REPS2: variants seen among roughly 807,000 people sequenced by gnomAD.
REPS2 encodes ralBP1-associated Eps domain-containing protein 2.
Under a neutral mutation model 53.6 loss-of-function variants are expected in REPS2, and 23 were observed. The ratio of observed to expected loss-of-function variants is 0.43; its 90% CI spans 0.31 to 0.61. The LOEUF (loss-of-function observed/expected upper bound fraction) is 0.61. Ranked by LOEUF, REPS2 falls within the 20% of genes least tolerant of loss-of-function variation. The pLI, the probability that REPS2 is intolerant of heterozygous loss-of-function variation, is 0.11. For synonymous variants in REPS2, 238 were observed against 218.6 expected (o/e 1.09, Z -0.78); for missense variants, 446 against 534.9 (o/e 0.83, Z 1.64).
chrX:17,004,881 T>A (rs2061345288), intron 1 of REPS2, among the ~76,000 whole-genome samples: 1 of 110,596 alleles, frequency 9.0e-6, no homozygotes, highest in African/African-American at 3.3e-5. Context: ...TTTCTATTTT[T>A]AAAATAGAGA....
intron 13 of REPS2, among the ~76,000 whole-genome samples, chrX:17,101,628 T>TA (rs773273102): frequency 1.8e-5 from 2 of 111,440 alleles, no homozygotes; most frequent in African/African-American, 3.3e-5. Context: ...CATTTGTCTT[T>TA]AAAAAAAATT....
At chrX:17,017,641 A>C (rs2061515806) in intron 2 of REPS2, among the ~76,000 whole-genome samples, 1 of 111,835 alleles carries the variant, frequency 8.9e-6, no homozygotes, top group Non-Finnish European at 1.9e-5. Context: ...CATACAGAAT[A>C]CTCTTTACAT....
chrX:17,032,523 G>C (rs1262659147), intron 5 of REPS2, among the ~76,000 whole-genome samples: 2 of 111,814 alleles, frequency 1.8e-5, no homozygotes, highest in Non-Finnish European at 3.8e-5. Context: ...ACCTGGATTA[G>C]TCATGTAGAT....
the REPS2 span, among the ~76,000 whole-genome samples, chrX:17,190,870 G>A: frequency 9.0e-6 from 1 of 111,697 alleles, no homozygotes; most frequent in Non-Finnish European, 1.9e-5. Flanking sequence ...AGTGGAGAAA[G>A]AATAATATTT....
rs1016561745 is a variant in REPS2 at position 16,969,695 on chromosome X, G to A, written c.273+22561G>A. ...GCAGCAGTACAGTCCAGACTCCCAC[G>A]GCATCAGAGGGAGACCGTGGAAAGA... On this transcript the variant is annotated intron_variant, in intron 1 of 17. Coordinates refer to ENST00000357277, the MANE Select transcript of REPS2 (RefSeq NM_004726.3). 7.4e-5 allele frequency among the ~76,000 whole-genome samples: 8 copies of A among 107,420 alleles called. No individual in the cohort carries two copies. In the East Asian group the frequency reaches 2.4e-3, roughly 32 times the overall value. 93.3% of individuals were successfully genotyped at this position (107,420 alleles called of 115,157 possible). A position where few individuals can be genotyped will look rare whatever the true frequency, so the allele number is the denominator to read the frequency against.
At chrX:16,998,843 G>A (rs1452234954) in intron 1 of REPS2, among the ~76,000 whole-genome samples, 3 of 112,364 alleles carry the variant, frequency 2.7e-5, no homozygotes, top group Admixed American at 1.9e-4. Flanking sequence ...AGTGACACCT[G>A]CAAAAGTAGA....
At chrX:17,072,682 C>T (rs758756969) in intron 11 of REPS2, among the ~76,000 whole-genome samples, 6 of 112,473 alleles carry the variant, frequency 5.3e-5, no homozygotes, top group African/African-American at 1.6e-4. Context: ...AAGAGGGCCA[C>T]GGAGCCAGCT....
intron 1 of REPS2, among the ~76,000 whole-genome samples, chrX:16,965,703 G>T (rs1435667003): frequency 8.9e-6 from 1 of 112,795 alleles, no homozygotes; most frequent in African/African-American, 3.2e-5. Context: ...CTTCCTAGAT[G>T]GGATGGCGGC....
In REPS2 at chrX:16,996,662, G is replaced by A. The variant is rs112439009; in HGVS notation, c.274-9559G>A. On this transcript the variant is annotated intron_variant, in intron 1 of 17. Transcript: ENST00000357277. ...ATGTTTATGGTATGAGTTTAGCTCT[G>A]TGCTAGAGAATCTCAATATATTTAG... Among the ~76,000 whole-genome samples the A allele has an allele frequency of 5.4e-3, 607 of 112,456 alleles. 5 individuals are homozygous for A. The highest frequency in any genetic ancestry group is 0.019 in the African/African-American group (580 of 30,947).
chrX:17,113,421 T>C (rs905688407), intron 14 of REPS2, among the ~76,000 whole-genome samples: 1 of 109,846 alleles, frequency 9.1e-6, no homozygotes, highest in African/African-American at 3.3e-5. Flanking sequence ...AATATTCAAG[T>C]GGAATGCTTG....
intron 1 of REPS2, among the ~76,000 whole-genome samples, chrX:16,963,542 A>G (rs183973789): frequency 2.7e-5 from 3 of 112,533 alleles, no homozygotes; most frequent in African/African-American, 9.7e-5. Context: ...CAAAATGAGT[A>G]TAATTTTTTT....
chrX:17,095,666 GT>G (rs779203117), intron 13 of REPS2, among the ~76,000 whole-genome samples: 22 of 111,057 alleles, frequency 2.0e-4, no homozygotes, highest in Non-Finnish European at 3.6e-4. Context: ...AGAGGGGACT[GT>G]AAGAGTAGGG....
chrX:16,979,345 T>G (rs1173580134), intron 1 of REPS2, among the ~76,000 whole-genome samples: 1 of 112,282 alleles, frequency 8.9e-6, no homozygotes, highest in Non-Finnish European at 1.9e-5. Flanking sequence ...TGGATACTAT[T>G]AAGCATGCCA....
intron 5 of REPS2, among the ~76,000 whole-genome samples, chrX:17,037,216 A>C (rs934807708): frequency 2.7e-5 from 3 of 111,905 alleles, no homozygotes; most frequent in Non-Finnish European, 5.6e-5. Flanking sequence ...TGGGGAAGGA[A>C]ACATTTAATC....
chrX:16,998,097 A>T (rs2061254342), intron 1 of REPS2, among the ~76,000 whole-genome samples: 1 of 111,236 alleles, frequency 9.0e-6, no homozygotes, highest in African/African-American at 3.3e-5. Context: ...AAAACAAAAA[A>T]GTAGCCAGGT....
chrX:17,089,468 A>G (rs2062587196), intron 13 of REPS2, among the ~76,000 whole-genome samples: 1 of 111,996 alleles, frequency 8.9e-6, no homozygotes, highest in African/African-American at 3.2e-5. Flanking sequence ...AAATAGTGCA[A>G]CTTTCACCAT....
At chrX:17,044,922 T>C (rs113360387) in intron 5 of REPS2, among the ~76,000 whole-genome samples, 2,850 of 111,398 alleles carry the variant, frequency 0.026, 99 homozygotes, top group African/African-American at 0.09. Context: ...GGATTTTGAT[T>C]TTTTTTGCTT....
chrX:17,172,115 C>T, the REPS2 span, among the ~76,000 whole-genome samples: 3 of 111,757 alleles, frequency 2.7e-5, no homozygotes, highest in Non-Finnish European at 3.8e-5. Context: ...AAATAATTTG[C>T]CCAATTTAAG....
At chrX:17,005,253 GC>G (rs1310916173) in intron 1 of REPS2, among the ~76,000 whole-genome samples, 1 of 110,957 alleles carries the variant, frequency 9.0e-6, no homozygotes, top group Non-Finnish European at 1.9e-5. Flanking sequence ...AATGGAAGTT[GC>G]CCCCTGCCAT....
Sources: gnomAD v4.1 joint callset for allele counts (sites outside exome capture counted in the v4.1 genomes callset) on GRCh38, gnomAD v4.1.1 for gene constraint, MANE v1.5 for transcripts, NCBI Gene and HGNC (gene_info 2026-07-23, HGNC 2026-07-21) for gene names.